Variants in TTLL1 observed in about 807,000 individuals in gnomAD.
TTLL1 encodes TTL family tubulin polyglutamylase complex subunit L1, also known as polyglutamylase complex subunit TTLL1.
TTLL1 carries 33 observed loss-of-function variants against 47.8 expected under a neutral mutation model. The ratio of observed to expected loss-of-function variants is 0.69; its 90% CI spans 0.52 to 0.92. The LOEUF (loss-of-function observed/expected upper bound fraction) is 0.92. TTLL1 is among the 40% of genes least tolerant of loss of function. The pLI is 0.00. For synonymous variants in TTLL1, 225 were observed against 214.1 expected (o/e 1.05, Z -0.45); for missense variants, 488 against 547.5 (o/e 0.89, Z 1.08).
At position 43,059,060 on chromosome 22, in the gene TTLL1, G is replaced by A. The variant is rs187731130; in HGVS notation, c.891+324C>T. ...GCTGGAGTGCAGTGGTGTGACCTCC[G>A]CTCACTGCAACCTCTGCCTCCCGGG... On this transcript the variant is annotated intron_variant, in intron 8 of 10. Transcript: ENST00000266254. Among the ~76,000 whole-genome samples, 1,293 of 151,920 alleles carry A rather than the reference G, an allele frequency of 8.5e-3. 29 individuals carry two copies. Among genetic ancestry groups the A allele is most frequent in the African/African-American group, 0.03 (1,250 of 41,426 alleles).
intron 5 of TTLL1, among the ~76,000 whole-genome samples, chr22:43,065,436 C>T (rs563065031): frequency 6.6e-6 from 1 of 151,946 alleles, no homozygotes; most frequent in African/African-American, 2.4e-5. Flanking sequence ...ATTACAGACG[C>T]CAGCCACCAT....
chr22:43,059,303 G>T (rs2146971405), intron 8 of TTLL1, 81 bp downstream of exon 8: 1 of 1,531,360 alleles, frequency 6.5e-7, no homozygotes, highest in East Asian at 2.3e-5. Context: ...TGAAAACAGG[G>T]ATTTTTAACA....
intron 1 of TTLL1, among the ~76,000 whole-genome samples, chr22:43,084,840 C>T (rs529239047): frequency 1.3e-5 from 2 of 152,026 alleles, no homozygotes; most frequent in African/African-American, 4.8e-5. Flanking sequence ...AATCTCTTAT[C>T]ATCAGGTGGT....
intron 8 of TTLL1, 153 bp from the exon 9 acceptor site, chr22:43,052,040 C>G: frequency 1.5e-6 from 1 of 672,576 alleles, no homozygotes; most frequent in South Asian, 1.7e-5. Context: ...CCTCCTCTCC[C>G]TCTTCCTCCC....
chr22:43,081,838 C>A (rs1251413524), intron 1 of TTLL1, among the ~76,000 whole-genome samples: 1 of 140,138 alleles, frequency 7.1e-6, no homozygotes, highest in Non-Finnish European at 1.5e-5. Context: ...TGAGCCATCA[C>A]ACCTGGCCTT....
intron 1 of TTLL1, among the ~76,000 whole-genome samples, chr22:43,085,968 G>A (rs1042387582): frequency 5.3e-5 from 8 of 152,226 alleles, no homozygotes; most frequent in African/African-American, 1.9e-4. Context: ...CAGGCCTAGC[G>A]TGGGGCTCCA....
At chr22:43,078,198 T>C (rs1928634450) in intron 2 of TTLL1, among the ~76,000 whole-genome samples, 1 of 151,866 alleles carries the variant, frequency 6.6e-6, no homozygotes, top group African/African-American at 2.4e-5. Flanking sequence ...TAAGAGCCTG[T>C]GTAAGAACCA....
rs534482532 is a variant in TTLL1, at chr22:43,080,714, C to T, written c.-89-728G>A. ...AGGTACAGTTCAAAGGTCACTCCCTCCACAGAGAGCCATTCTCAGCCTTAG... is the reference window on the plus strand; with the variant it reads ...AGGTACAGTTCAAAGGTCACTCCCTTCACAGAGAGCCATTCTCAGCCTTAG... On this transcript the variant is annotated intron_variant, in intron 1 of 10. Coordinates refer to ENST00000266254, the MANE Select transcript of TTLL1 (RefSeq NM_012263.5). Among the ~76,000 whole-genome samples the T allele has an allele frequency of 4.8e-5, 7 of 146,532 alleles. No individual in the cohort carries two copies. The South Asian group carries it at 1.5e-3, about 32-fold the overall frequency.
intron 1 of TTLL1, among the ~76,000 whole-genome samples, chr22:43,086,084 G>A (rs1929210819): frequency 6.6e-6 from 1 of 152,138 alleles, no homozygotes; most frequent in Non-Finnish European, 1.5e-5. Context: ...CCTTAGAAAA[G>A]TAAATAAATA....
chr22:43,064,021 C>T, intron 6 of TTLL1, 100 bp from the exon 7 acceptor site: 2 of 1,487,818 alleles, frequency 1.3e-6, no homozygotes, highest in Non-Finnish European at 1.9e-6. Flanking sequence ...GTGTGATTTA[C>T]ACGACTCACA....
intron 9 of TTLL1, among the ~76,000 whole-genome samples, chr22:43,050,112 G>T (rs1176867392): frequency 6.8e-6 from 1 of 146,678 alleles, no homozygotes; most frequent in African/African-American, 2.5e-5. Context: ...CAAAAAAACA[G>T]AATTGTTATT....
At chr22:43,069,540 G>T in intron 4 of TTLL1, 96 bp downstream of exon 4, 1 of 1,562,288 alleles carries the variant, frequency 6.4e-7, no homozygotes, top group Non-Finnish European at 8.6e-7. Context: ...ACATGCTCAC[G>T]CATCAAAGCC....
rs143042726 is a variant in TTLL1, at chr22:43,059,392, C to G, written c.883G>C (p.Ala295Pro). 9 of 1,611,894 alleles carry G rather than the reference C, an allele frequency of 5.6e-6. No homozygotes were observed. The highest frequency in any genetic ancestry group is 4.4e-5 in the South Asian group (4 of 90,888). The stretch of plus-strand genomic sequence containing the variant: ...GCCCGCACCAAACTCACCGCCACAG[C>G]CTTCAGGGACTGCACGATGATCCAG... ...IHWIIVQSLK[A>P]VAPVMNNDKH... The change falls in exon 8 of 11, where the codon GCT becomes CCT. Residue 295 changes from alanine to proline, a missense_variant. By Grantham distance (27) the Ala-to-Pro change is conservative. Transcript: ENST00000266254.
At chr22:43,059,663 C>A in intron 7 of TTLL1, 136 bp from the exon 8 acceptor site, 2 of 1,094,058 alleles carry the variant, frequency 1.8e-6, no homozygotes, top group South Asian at 1.7e-5. Context: ...ACATCCAGAC[C>A]CCTGCCCCAG....
chr22:43,085,212 G>T (rs989524530), intron 1 of TTLL1, among the ~76,000 whole-genome samples: 5 of 152,032 alleles, frequency 3.3e-5, no homozygotes, highest in Non-Finnish European at 5.9e-5. Context: ...TCCTGACCTC[G>T]TGATCCGCCT....
chr22:43,055,620 C>A (rs1158430863), intron 8 of TTLL1, among the ~76,000 whole-genome samples: 3 of 151,926 alleles, frequency 2.0e-5, no homozygotes, highest in Non-Finnish European at 4.4e-5. Context: ...TGTGCACCAA[C>A]ACATTCGGCT....
intron 1 of TTLL1, among the ~76,000 whole-genome samples, chr22:43,088,718 CT>C (rs2147000176): frequency 6.6e-6 from 1 of 152,238 alleles, no homozygotes; most frequent in East Asian, 1.9e-4. Context: ...AAAGAACCTG[CT>C]TTGCAAATGC....
At chr22:43,042,138 G>C (rs1925733754) in intron 10 of TTLL1, among the ~76,000 whole-genome samples, 1 of 152,200 alleles carries the variant, frequency 6.6e-6, no homozygotes, top group Admixed American at 6.5e-5. Flanking sequence ...GGGGGCTGCA[G>C]TGACCGCCCG....
At chr22:43,053,323 A>G (rs552525729) in intron 8 of TTLL1, among the ~76,000 whole-genome samples, 1 of 152,324 alleles carries the variant, frequency 6.6e-6, no homozygotes, top group South Asian at 2.1e-4. Context: ...GACAGCCTGG[A>G]CCACCCTCCT....
Sources: gnomAD v4.1 joint callset for allele counts (sites outside exome capture counted in the v4.1 genomes callset) on GRCh38, gnomAD v4.1.1 for gene constraint, MANE v1.5 for transcripts, NCBI Gene and HGNC (gene_info 2026-07-23, HGNC 2026-07-21) for gene names.